The following POU6F2 variants were observed in gnomAD, a reference collection of about 807,000 sequenced individuals.
POU6F2 encodes the protein POU class 6 homeobox 2, also known as POU domain, class 6, transcription factor 2.
Under a neutral mutation model 71.3 loss-of-function variants are expected in POU6F2, and 31 were observed. The observed-to-expected ratio is 0.43, with a 90% CI of 0.33 to 0.59. The LOEUF (loss-of-function observed/expected upper bound fraction) is 0.59, where lower values mean the gene tolerates loss of function less well. POU6F2 is among the 20% of genes least tolerant of loss of function. The pLI is 0.04. For synonymous variants in POU6F2, 347 were observed against 355.7 expected (o/e 0.98, Z 0.27); for missense variants, 783 against 856.8 (o/e 0.91, Z 1.07).
At chr7:39,251,780 C>T (rs1042928602) in intron 4 of POU6F2, among the ~76,000 whole-genome samples, 20 of 152,110 alleles carry the variant, frequency 1.3e-4, no homozygotes, top group Admixed American at 5.2e-4. Context: ...TTACATGCTC[C>T]GGACACCACA....
At chr7:39,285,584 A>G (rs554995712) in intron 4 of POU6F2, among the ~76,000 whole-genome samples, 1 of 152,358 alleles carries the variant, frequency 6.6e-6, no homozygotes, top group South Asian at 2.1e-4. Flanking sequence ...TGGCAATGAT[A>G]TGGATTTCAA....
At chr7:39,133,991 C>T (rs1237975479) in intron 2 of POU6F2, among the ~76,000 whole-genome samples, 11 of 152,196 alleles carry the variant, frequency 7.2e-5, no homozygotes, top group Admixed American at 7.2e-4. Flanking sequence ...CCTCCCACCT[C>T]AGCCTCCTGA....
intron 2 of POU6F2, among the ~76,000 whole-genome samples, chr7:39,119,093 G>T (rs1325781035): frequency 6.6e-6 from 1 of 152,184 alleles, no homozygotes; most frequent in East Asian, 1.9e-4. Context: ...AACCAAGAAA[G>T]AAGGCCTGAG....
chr7:39,070,979 C>T (rs986165422), intron 1 of POU6F2, among the ~76,000 whole-genome samples: 8 of 151,972 alleles, frequency 5.3e-5, no homozygotes, highest in South Asian at 4.2e-4. Context: ...GTTTTTGGCA[C>T]GAGGGACTGG....
chr7:38,993,646 A>ACACG (rs1379408807), intron 1 of POU6F2, among the ~76,000 whole-genome samples: 16 of 150,496 alleles, frequency 1.1e-4, no homozygotes, highest in East Asian at 3.9e-4. Context: ...ACACACACAC[A>ACACG]CATCAGTGGT....
chr7:39,228,049 C>A (rs1260262797), intron 4 of POU6F2, among the ~76,000 whole-genome samples: 2 of 152,184 alleles, frequency 1.3e-5, no homozygotes, highest in Non-Finnish European at 2.9e-5. Context: ...CAACTCTACT[C>A]TTCCTCTATG....
intron 2 of POU6F2, among the ~76,000 whole-genome samples, chr7:39,098,594 A>G (rs1045167860): frequency 6.6e-6 from 1 of 152,146 alleles, no homozygotes; most frequent in Non-Finnish European, 1.5e-5. Flanking sequence ...GTCTTATACT[A>G]TAAAGTAGTG....
At chr7:39,162,588 G>C (rs1299840554) in intron 2 of POU6F2, among the ~76,000 whole-genome samples, 6 of 152,168 alleles carry the variant, frequency 3.9e-5, no homozygotes, top group Admixed American at 3.3e-4. Context: ...AGTTTGATGT[G>C]AGTCCAATGG....
At chr7:39,163,816 G>A (rs1458827872) in intron 2 of POU6F2, among the ~76,000 whole-genome samples, 4 of 152,228 alleles carry the variant, frequency 2.6e-5, no homozygotes, top group East Asian at 1.9e-4. Context: ...GATACACAAC[G>A]GAATACTATT....
chr7:39,320,343 C>T (rs1785360181), intron 4 of POU6F2, among the ~76,000 whole-genome samples: 1 of 152,238 alleles, frequency 6.6e-6, no homozygotes, highest in Admixed American at 6.5e-5. Flanking sequence ...GTAGCCTGGT[C>T]CCCCGCAGAT....
chr7:39,349,255 G>T (rs1375265090), intron 5 of POU6F2, among the ~76,000 whole-genome samples: 1 of 152,178 alleles, frequency 6.6e-6, no homozygotes, highest in Non-Finnish European at 1.5e-5. Context: ...TACCTGGCTG[G>T]GTTGCTTCTC....
chr7:39,203,609 A>G (rs970727778), intron 2 of POU6F2, among the ~76,000 whole-genome samples: 2 of 152,220 alleles, frequency 1.3e-5, no homozygotes, highest in Non-Finnish European at 2.9e-5. Flanking sequence ...TGGTAAAGGA[A>G]GCAAGTTGTG....
chr7:38,982,059 G>A (rs1174743093), intron 1 of POU6F2, among the ~76,000 whole-genome samples: 1 of 152,152 alleles, frequency 6.6e-6, no homozygotes, highest in Admixed American at 6.5e-5. Context: ...AAGTGGTCTA[G>A]GGAGAGGGGA....
chr7:39,093,077 T>C (rs892300256), intron 2 of POU6F2, among the ~76,000 whole-genome samples: 4 of 152,266 alleles, frequency 2.6e-5, no homozygotes, highest in Admixed American at 1.3e-4. Flanking sequence ...ACTTCTCTTA[T>C]AGTTTTTCCT....
chr7:38,994,653 G>C (rs1788689959), intron 1 of POU6F2, among the ~76,000 whole-genome samples: 1 of 152,046 alleles, frequency 6.6e-6, no homozygotes, highest in African/African-American at 2.4e-5. Flanking sequence ...TGTGTGGTCA[G>C]AGAATCCAGC....
At chr7:39,110,592 G>T (rs1043033711) in intron 2 of POU6F2, among the ~76,000 whole-genome samples, 9 of 152,068 alleles carry the variant, frequency 5.9e-5, no homozygotes, top group Admixed American at 5.9e-4. Context: ...CTAAACTTGA[G>T]AAAAGTGACA....
intron 7 of POU6F2, among the ~76,000 whole-genome samples, chr7:39,447,157 T>C (rs1583611698): frequency 6.6e-6 from 1 of 152,310 alleles, no homozygotes; most frequent in Non-Finnish European, 1.5e-5. Flanking sequence ...ATGTTTTTTT[T>C]CAAACATGGC....
rs374617955 is a variant in POU6F2, at chr7:39,368,643, A to G, written c.972+28628A>G. Among the ~76,000 whole-genome samples the G allele has an allele frequency of 3.3e-3, 503 of 152,322 alleles. 3 individuals carry two copies. The highest frequency in any genetic ancestry group is 0.012 in the African/African-American group (485 of 41,568). On this transcript the variant is annotated intron_variant, in intron 5 of 9. Transcript: ENST00000518318. ...AAGGCTTTCATAGCTAGAAAATTCA[A>G]TGCCTGACTTCAAGCTTCAAAAGAC...
intron 4 of POU6F2, among the ~76,000 whole-genome samples, chr7:39,208,061 A>T (rs1794058241): frequency 6.6e-6 from 1 of 152,204 alleles, no homozygotes; most frequent in African/African-American, 2.4e-5. Flanking sequence ...GGAATAATTT[A>T]TTAATGATTA....
Sources: allele counts gnomAD v4.1 joint callset (sites outside exome capture counted in the v4.1 genomes callset), GRCh38; gene constraint gnomAD v4.1.1; transcripts MANE v1.5; gene names NCBI Gene and HGNC (gene_info 2026-07-23, HGNC 2026-07-21).